MCMBP: variants seen among roughly 807,000 people sequenced by gnomAD.
MCMBP encodes minichromosome maintenance complex binding protein, also known as mini-chromosome maintenance complex-binding protein.
Under a neutral mutation model 81.3 loss-of-function variants are expected in MCMBP, and 31 were observed. The ratio of observed to expected loss-of-function variants is 0.38; its 90% CI spans 0.29 to 0.51. The LOEUF is 0.51. Ranked by LOEUF, MCMBP falls within the 20% of genes least tolerant of loss-of-function variation. The pLI, the probability that MCMBP is intolerant of heterozygous loss-of-function variation, is 0.87. For missense variants in MCMBP, 645 were observed against 772.1 expected, an observed-to-expected ratio of 0.84 and a Z score of 1.95; for synonymous variants, 267 against 275.9, an observed-to-expected ratio of 0.97 and a Z score of 0.32.
At chr10:119,842,912 C>G in intron 9 of MCMBP, 1 of 374,648 alleles carries the variant, frequency 2.7e-6, no homozygotes, top group Non-Finnish European at 5.1e-6. Context: ...CGCCACCACA[C>G]CTGGCTAATT....
At chr10:119,854,706 C>T (rs1852962956) in intron 5 of MCMBP, among the ~76,000 whole-genome samples, 1 of 151,528 alleles carries the variant, frequency 6.6e-6, no homozygotes, top group Non-Finnish European at 1.5e-5. Flanking sequence ...CCTGTAATCC[C>T]AGCACTTTGG....
Position 119,849,001 on chromosome 10 carries a change from T to TG in MCMBP, c.726+423dup, listed in dbSNP as rs200808583. On this transcript the variant is annotated intron_variant, in intron 7 of 15. Coordinates refer to ENST00000369077, the MANE Select transcript of MCMBP (RefSeq NM_001256378.2). ...TGTGATTAAATTAATAACCTTGAAA[T>TG]GGGGGGGATTATCCTCGATTAACTG... Among the ~76,000 whole-genome samples, 144 of 152,208 alleles carry TG rather than the reference T, an allele frequency of 9.5e-4. 1 individual carries two copies. In the East Asian group the frequency reaches 0.023, roughly 24 times the overall value.
chr10:119,833,132 G>A (rs1012257702), intron 14 of MCMBP, among the ~76,000 whole-genome samples: 9 of 152,154 alleles, frequency 5.9e-5, no homozygotes, highest in African/African-American at 1.7e-4. Context: ...CTACTACCCA[G>A]CATTTAAGGA....
chr10:119,846,946 A>C (rs1157250594), intron 8 of MCMBP, among the ~76,000 whole-genome samples: 1 of 152,124 alleles, frequency 6.6e-6, no homozygotes, highest in Non-Finnish European at 1.5e-5. Flanking sequence ...ATGAAAGACA[A>C]AGGCTGAGGA....
chr10:119,831,084 T>G lies in MCMBP; in HGVS notation c.*390A>C, dbSNP rs1852016375. The G allele has an allele frequency of 6.4e-6, 1 of 156,596 alleles. No homozygotes were observed. The highest frequency in any genetic ancestry group is 6.5e-5 in the Admixed American group (1 of 15,450). The allele number at this position is 156,596 out of a possible 1,614,324, so 9.7% of individuals were successfully genotyped here. On this transcript the variant is annotated 3_prime_UTR_variant, in exon 16 of 16. Coordinates refer to ENST00000369077, the MANE Select transcript of MCMBP (RefSeq NM_001256378.2). ...ACAGAGAACTAGAAAACATAAGAAA[T>G]CCGAAGCACGATTCCTCTGACTTTG... is the stretch of plus-strand genomic sequence containing the variant.
intron 12 of MCMBP, 73 bp from the exon 13 acceptor site, chr10:119,837,102 T>C: frequency 3.4e-6 from 5 of 1,470,198 alleles, no homozygotes; most frequent in Non-Finnish European, 4.6e-6. Context: ...CTGACACCGA[T>C]GATGAGCCAT....
intron 14 of MCMBP, among the ~76,000 whole-genome samples, chr10:119,834,791 G>A (rs576634201): frequency 1.3e-5 from 2 of 149,808 alleles, no homozygotes; most frequent in Admixed American, 6.7e-5. Context: ...AACCTGGGGG[G>A]GTTGAGGCTG....
intron 1 of MCMBP, among the ~76,000 whole-genome samples, chr10:119,869,536 C>A (rs113416614): frequency 6.6e-6 from 1 of 150,682 alleles, no homozygotes. Context: ...TGTAACACTG[C>A]GCCCTAGCCT....
At chr10:119,863,366 T>C (rs1853329100) in intron 1 of MCMBP, among the ~76,000 whole-genome samples, 1 of 152,154 alleles carries the variant, frequency 6.6e-6, no homozygotes. Context: ...TCCATGTAAA[T>C]GTTAAATTGT....
At chr10:119,860,208 A>G (rs999986681) in intron 1 of MCMBP, among the ~76,000 whole-genome samples, 1 of 152,232 alleles carries the variant, frequency 6.6e-6, no homozygotes, top group Non-Finnish European at 1.5e-5. Flanking sequence ...ATTCAGCAGC[A>G]TATGAAGCAC....
intron 11 of MCMBP, 137 bp from the exon 12 acceptor site, chr10:119,838,837 T>C (rs1175005220): frequency 1.5e-6 from 1 of 678,026 alleles, no homozygotes; most frequent in Non-Finnish European, 2.3e-6. Context: ...ATATGGTTTC[T>C]TGAACTCCAG....
Position 119,838,285 on chromosome 10 carries a change from AT to A in MCMBP, c.1408+249del, listed in dbSNP as rs1852319709. Among the ~76,000 whole-genome samples, 4 of 144,650 alleles carry A rather than the reference AT, an allele frequency of 2.8e-5. No homozygotes were observed. In the South Asian group the frequency reaches 8.4e-4, roughly 30 times the overall value. The allele number at this position is 144,650 out of a possible 152,430, so 94.9% of individuals were successfully genotyped here. A position where few individuals can be genotyped will look rare whatever the true frequency, so the allele number is the denominator to read the frequency against. ...AGACATTATATATTATATATGATAT[AT>A]ATTATATAAGATATATTATATAAGA... On this transcript the variant is annotated intron_variant, in intron 12 of 15. Transcript: ENST00000369077.
At chr10:119,862,260 T>C (rs958379471) in intron 1 of MCMBP, among the ~76,000 whole-genome samples, 2 of 152,048 alleles carry the variant, frequency 1.3e-5, no homozygotes, top group Non-Finnish European at 2.9e-5. Flanking sequence ...TGGGCCAAGA[T>C]TGCCCCATTG....
rs1262036893 is a variant in MCMBP, at chr10:119,854,968, A to AAAAAT, written c.430-1779_430-1775dup. Among the ~76,000 whole-genome samples the AAAAAT allele has an allele frequency of 3.5e-3, 467 of 131,730 alleles. 3 individuals are homozygous for AAAAAT. The highest frequency in any genetic ancestry group is 3.9e-3 in the Middle Eastern group (1 of 254). 86.4% of individuals were successfully genotyped at this position (131,730 alleles called of 152,430 possible). A position where few individuals can be genotyped will look rare whatever the true frequency, so the allele number is the denominator to read the frequency against. ...ACTCTGCCTCAAAAAAAAAAAAAAA[A>AAAAAT]AAAATAAAATAAAATCATAATCATA... On this transcript the variant is annotated intron_variant, in intron 5 of 15. Coordinates refer to ENST00000369077, the MANE Select transcript of MCMBP (RefSeq NM_001256378.2).
Position 119,830,498 on chromosome 10 carries a change from G to A in MCMBP, c.*976C>T, listed in dbSNP as rs1360969399. ...ATGCCAAAAATCCAATAGAATCAAA[G>A]CAACTCAATGACATTTAAGAAAATA... On this transcript the variant is annotated 3_prime_UTR_variant, in exon 16 of 16. Transcript: ENST00000369077. 1 of 152,136 alleles carries A rather than the reference G, an allele frequency of 6.6e-6. No homozygotes were observed. Among genetic ancestry groups the A allele is most frequent in the Non-Finnish European group, 1.5e-5 (1 of 68,008 alleles). The allele number at this position is 152,136 out of a possible 1,614,324, so 9.4% of individuals were successfully genotyped here.
In MCMBP at chr10:119,842,473, C is replaced by T. The variant is rs1197530563; in HGVS notation, c.1123G>A (p.Val375Ile). 1 of 1,612,296 alleles carries T rather than the reference C, an allele frequency of 6.2e-7. No individual in the cohort carries two copies. Among genetic ancestry groups the T allele is most frequent in the East Asian group, 2.2e-5 (1 of 44,858 alleles). Residue 375 changes from valine (V) to isoleucine (I), a missense_variant and splice_region_variant, in exon 10 of 16, where the codon GTA (valine) becomes ATA (isoleucine). Physicochemically the swap from Val to Ile is conservative, Grantham distance 29. Transcript: ENST00000369077. Reference sequence around the variant, plus strand: ...TTCCCACCAGGATACAGCACTTACACTGTGGAGATGAGATGTAATATAAGG... The same window carrying T: ...TTCCCACCAGGATACAGCACTTACATTGTGGAGATGAGATGTAATATAAGG... Reference protein sequence around the residue: ...EYLILHLISTVYTRRDVLPLG... With the variant: ...EYLILHLISTIYTRRDVLPLG...
Position 119,830,145 on chromosome 10 carries a change from A to G in MCMBP, c.*1329T>C, listed in dbSNP as rs1342427657. On this transcript the variant is annotated 3_prime_UTR_variant, in exon 16 of 16. Transcript: ENST00000369077. Reference sequence around the variant, plus strand: ...GTTATTTTTACTTCAGTTATTAGGTACAATGAATTCCTTGATTTTTCAAGG... The same window carrying G: ...GTTATTTTTACTTCAGTTATTAGGTGCAATGAATTCCTTGATTTTTCAAGG... The G allele has an allele frequency of 6.5e-6, 1 of 152,678 alleles. No individual in the cohort carries two copies. Among genetic ancestry groups the G allele is most frequent in the Non-Finnish European group, 1.5e-5 (1 of 68,044 alleles). The allele number at this position is 152,678 out of a possible 1,614,324, so 9.5% of individuals were successfully genotyped here.
chr10:119,873,249 T>G (rs1016312205), upstream of MCMBP, among the ~76,000 whole-genome samples: 1 of 152,204 alleles, frequency 6.6e-6, no homozygotes, highest in Non-Finnish European at 1.5e-5. Context: ...TTTTTTTTCT[T>G]TTTTTGCTGA....
In MCMBP at chr10:119,840,936, T is replaced by C. The variant is rs1852409070; in HGVS notation, c.1149A>G (p.Pro383=). The C allele has an allele frequency of 6.2e-7, 1 of 1,606,984 alleles. No homozygotes were observed. Among genetic ancestry groups the C allele is most frequent in the East Asian group, 2.2e-5 (1 of 44,770 alleles). The change falls in exon 11 of 16, where the codon CCA becomes CCG. Residue 383 remains proline, a synonymous_variant. Transcript: ENST00000369077. ...TCAAGTTAACTGTAAATTTTCCTAGTGGAAGGACATCTCTTCTTGTATATC... is the reference window on the plus strand; with the variant it reads ...TCAAGTTAACTGTAAATTTTCCTAGCGGAAGGACATCTCTTCTTGTATATC... ...STVYTRRDVL[P]LGKFTVNLSG... is the part of the protein sequence containing the mutation.
Sources: gnomAD v4.1 joint callset for allele counts (sites outside exome capture counted in the v4.1 genomes callset) on GRCh38, gnomAD v4.1.1 for gene constraint, MANE v1.5 for transcripts, NCBI Gene and HGNC (gene_info 2026-07-23, HGNC 2026-07-21) for gene names.